The following SOX5 variants were observed in gnomAD, a reference collection of about 807,000 sequenced individuals.
SOX5 encodes transcription factor SOX-5.
In SOX5, 9 loss-of-function variants were observed where a neutral mutation model predicts 92.0. That is an observed-to-expected ratio of 0.10 (90% CI 0.06 to 0.17). The LOEUF (loss-of-function observed/expected upper bound fraction) is 0.17, where lower values mean the gene tolerates loss of function less well. Ranked by LOEUF, SOX5 falls within the 10% of genes least tolerant of loss-of-function variation. The pLI is 1.00. For synonymous variants in SOX5, 344 were observed against 336.3 expected (o/e 1.02, Z -0.25); for missense variants, 642 against 944.5 (o/e 0.68, Z 4.20).
At chr12:24,345,154 C>T (rs1816481546) in intron 2 of SOX5, among the ~76,000 whole-genome samples, 1 of 152,160 alleles carries the variant, frequency 6.6e-6, no homozygotes, top group African/African-American at 2.4e-5. Context: ...CAGGCCATAA[C>T]TTTCTGGTAT....
At chr12:24,265,318 G>A (rs747549119) in intron 3 of SOX5, among the ~76,000 whole-genome samples, 6 of 152,236 alleles carry the variant, frequency 3.9e-5, no homozygotes, top group Non-Finnish European at 7.4e-5. Context: ...AAGTTGAGCC[G>A]GGCCCTTGAG....
chr12:24,305,019 G>T (rs1003085296), intron 2 of SOX5, among the ~76,000 whole-genome samples: 3 of 152,200 alleles, frequency 2.0e-5, no homozygotes, highest in Non-Finnish European at 4.4e-5. Flanking sequence ...TGAAGAAGAT[G>T]CTGGAAGAAT....
chr12:23,799,248 A>G (rs1157214060), intron 3 of SOX5, among the ~76,000 whole-genome samples: 2 of 152,074 alleles, frequency 1.3e-5, no homozygotes, highest in African/African-American at 2.4e-5. Flanking sequence ...GGTAGTGCTG[A>G]TACTAACAAT....
chr12:24,344,281 C>CAAAAAA (rs61660537), intron 2 of SOX5, among the ~76,000 whole-genome samples: 5 of 104,326 alleles, frequency 4.8e-5, no homozygotes, highest in Admixed American at 1.8e-4. Flanking sequence ...GACTCTGTCT[C>CAAAAAA]AAAAAAAAAA....
intron 4 of SOX5, among the ~76,000 whole-genome samples, chr12:23,743,214 G>A (rs1331817449): frequency 6.6e-6 from 1 of 152,164 alleles, no homozygotes; most frequent in Admixed American, 6.5e-5. Context: ...GCATGCACAT[G>A]TCTATGTTTA....
intron 4 of SOX5, among the ~76,000 whole-genome samples, chr12:24,005,867 A>G (rs1301600714): frequency 6.6e-6 from 1 of 152,180 alleles, no homozygotes; most frequent in African/African-American, 2.4e-5. Context: ...CACTAGCTAT[A>G]CCATATATTT....
intron 4 of SOX5, among the ~76,000 whole-genome samples, chr12:24,105,139 C>T (rs1222064128): frequency 1.3e-5 from 2 of 152,204 alleles, no homozygotes; most frequent in African/African-American, 4.8e-5. Flanking sequence ...CTTACCTTAT[C>T]TGCTATACCA....
chr12:24,270,801 C>G (rs1228499674), intron 3 of SOX5, among the ~76,000 whole-genome samples: 1 of 152,208 alleles, frequency 6.6e-6, no homozygotes, highest in Non-Finnish European at 1.5e-5. Context: ...ATCATCCTGT[C>G]TGTATTCTGA....
intron 1 of SOX5, among the ~76,000 whole-genome samples, chr12:24,531,781 T>C (rs753032693): frequency 1.2e-4 from 18 of 152,222 alleles, no homozygotes; most frequent in Non-Finnish European, 2.5e-4. Context: ...TGGTCAAATA[T>C]CTTTTGACCA....
At chr12:23,980,755 C>T (rs1164313286) in intron 4 of SOX5, among the ~76,000 whole-genome samples, 1 of 152,150 alleles carries the variant, frequency 6.6e-6, no homozygotes, top group African/African-American at 2.4e-5. Flanking sequence ...CAGAGAACCA[C>T]ATGGCTCATG....
chr12:23,916,810 A>G (rs2097422229), intron 1 of SOX5, among the ~76,000 whole-genome samples: 1 of 152,222 alleles, frequency 6.6e-6, no homozygotes, highest in Admixed American at 6.5e-5. Flanking sequence ...AGAAGCTACC[A>G]GTAAAGTCTA....
intron 4 of SOX5, among the ~76,000 whole-genome samples, chr12:24,005,647 CATG>C (rs1444622882): frequency 6.6e-6 from 1 of 152,144 alleles, no homozygotes; most frequent in Non-Finnish European, 1.5e-5. Context: ...ATGTTTTCCT[CATG>C]ATATTTCTTT....
chr12:23,548,523 A>G (rs1181894546), intron 11 of SOX5, among the ~76,000 whole-genome samples: 1 of 147,580 alleles, frequency 6.8e-6, no homozygotes, highest in Non-Finnish European at 1.5e-5. Context: ...TAGTAATTTA[A>G]GCTAACAGAC....
chr12:24,048,342 T>G (rs1043312921), intron 4 of SOX5, among the ~76,000 whole-genome samples: 7 of 152,176 alleles, frequency 4.6e-5, no homozygotes, highest in Non-Finnish European at 1.0e-4. Flanking sequence ...GGAATTAAAA[T>G]GATGAATTTC....
intron 1 of SOX5, among the ~76,000 whole-genome samples, chr12:23,938,585 T>C (rs1943052222): frequency 6.6e-6 from 1 of 151,132 alleles, no homozygotes; most frequent in South Asian, 2.1e-4. Context: ...AAGTGAACTT[T>C]AATTTGTGCA....
chr12:23,732,789 C>G (rs1474480631), intron 6 of SOX5, among the ~76,000 whole-genome samples: 1 of 152,158 alleles, frequency 6.6e-6, no homozygotes, highest in Non-Finnish European at 1.5e-5. Flanking sequence ...TGCTTCTTAT[C>G]CTAGCTCTAC....
intron 10 of SOX5, among the ~76,000 whole-genome samples, chr12:23,573,101 A>G (rs1284125517): frequency 6.6e-6 from 1 of 152,046 alleles, no homozygotes; most frequent in Non-Finnish European, 1.5e-5. Flanking sequence ...ATCCCTTCCC[A>G]TCACTTTTCA....
intron 8 of SOX5, among the ~76,000 whole-genome samples, chr12:23,625,628 G>A (rs1194532791): frequency 6.6e-6 from 1 of 152,084 alleles, no homozygotes; most frequent in African/African-American, 2.4e-5. Context: ...TTTGTTGTTT[G>A]AGACTAAGTC....
chr12:23,848,537 T>A (rs765389049), intron 2 of SOX5, among the ~76,000 whole-genome samples: 1 of 152,210 alleles, frequency 6.6e-6, no homozygotes, highest in Non-Finnish European at 1.5e-5. Context: ...AGTTAACAGC[T>A]GTTTCAGTGT....
Sources: allele counts gnomAD v4.1 joint callset (sites outside exome capture counted in the v4.1 genomes callset), GRCh38; gene constraint gnomAD v4.1.1; transcripts MANE v1.5; gene names NCBI Gene and HGNC (gene_info 2026-07-23, HGNC 2026-07-21).